MAP4: variants seen among roughly 807,000 people sequenced by gnomAD.
MAP4 encodes the protein microtubule associated protein 4, also known as microtubule-associated protein 4.
In MAP4, 76 loss-of-function variants were observed where a neutral mutation model predicts 170.2. That is an observed-to-expected ratio of 0.45 (90% CI 0.37 to 0.54). The LOEUF (loss-of-function observed/expected upper bound fraction) is 0.54, where lower values mean the gene tolerates loss of function less well. MAP4 is among the 20% of genes least tolerant of loss of function. The pLI is 0.00. For missense variants in MAP4, 2,506 were observed against 2,748.0 expected, an observed-to-expected ratio of 0.91 and a Z score of 1.97; for synonymous variants, 909 against 994.5, an observed-to-expected ratio of 0.91 and a Z score of 1.62.
rs556982891 is a variant in MAP4 at position 47,851,557 on chromosome 3, C to T, written c.*1377G>A. ...ATCTCCCAGGCCATTTCACTACAAA[C>T]TTATGTTTGAATCCTTTATTAGAAA... On this transcript the variant is annotated 3_prime_UTR_variant, in exon 21 of 21. Transcript: ENST00000683076. 6.6e-5 allele frequency: 10 copies of T among 152,352 alleles called. No homozygotes were observed. The highest frequency in any genetic ancestry group is 1.9e-4 in the African/African-American group (8 of 41,580). The allele number at this position is 152,352 out of a possible 1,614,324, so 9.4% of individuals were successfully genotyped here.
chr3:47,933,048 G>A (rs919604925), intron 3 of MAP4, among the ~76,000 whole-genome samples: 1 of 152,024 alleles, frequency 6.6e-6, no homozygotes, highest in Non-Finnish European at 1.5e-5. Flanking sequence ...GACTACAGGT[G>A]CATGCCACCA....
At chr3:48,006,636 T>A (rs767754388) in intron 1 of MAP4, among the ~76,000 whole-genome samples, 1 of 152,092 alleles carries the variant, frequency 6.6e-6, no homozygotes, top group Non-Finnish European at 1.5e-5. Flanking sequence ...TGCCTCTACC[T>A]AAAAAAATAG....
intron 1 of MAP4, among the ~76,000 whole-genome samples, chr3:48,002,975 A>AATT (rs1559772607): frequency 5.3e-5 from 8 of 150,346 alleles, no homozygotes; most frequent in African/African-American, 1.7e-4. Context: ...ATAAATAAAT[A>AATT]AATAAATAAA....
At chr3:47,985,401 T>C (rs1216403744) in intron 2 of MAP4, among the ~76,000 whole-genome samples, 1 of 152,218 alleles carries the variant, frequency 6.6e-6, no homozygotes, top group Non-Finnish European at 1.5e-5. Flanking sequence ...ATTGTGCCAC[T>C]GCACTCCAGC....
intron 3 of MAP4, among the ~76,000 whole-genome samples, chr3:47,956,280 A>T (rs2154138312): frequency 6.6e-6 from 1 of 152,324 alleles, no homozygotes; most frequent in East Asian, 1.9e-4. Context: ...CCTCAATCCA[A>T]GTCAATGGCC....
intron 1 of MAP4, among the ~76,000 whole-genome samples, chr3:48,004,710 C>T (rs1320729617): frequency 1.3e-5 from 2 of 152,142 alleles, no homozygotes; most frequent in Non-Finnish European, 2.9e-5. Flanking sequence ...AGAATGAGAC[C>T]CAGAAACTTG....
At chr3:48,060,260 G>A (rs1203624823) in intron 1 of MAP4, among the ~76,000 whole-genome samples, 1 of 152,048 alleles carries the variant, frequency 6.6e-6, no homozygotes. Context: ...ACTCATGCCT[G>A]TAAATGGTAC....
intron 1 of MAP4, among the ~76,000 whole-genome samples, chr3:48,009,225 C>T (rs1359693990): frequency 6.6e-6 from 1 of 152,114 alleles, no homozygotes; most frequent in Non-Finnish European, 1.5e-5. Context: ...CTCCGCCTCC[C>T]AAGTAGCTAG....
At chr3:47,941,823 T>C (rs956965124) in intron 3 of MAP4, among the ~76,000 whole-genome samples, 4 of 151,808 alleles carry the variant, frequency 2.6e-5, no homozygotes, top group Non-Finnish European at 5.9e-5. Context: ...GCTACCACTG[T>C]TCTTACTAAT....
chr3:47,868,339 G>T (rs924691424), intron 16 of MAP4, among the ~76,000 whole-genome samples: 6 of 152,168 alleles, frequency 3.9e-5, no homozygotes, highest in Non-Finnish European at 8.8e-5. Context: ...ATACCTCATT[G>T]TACCTACTCA....
At chr3:48,038,395 T>A (rs2100119917) in intron 1 of MAP4, among the ~76,000 whole-genome samples, 1 of 151,446 alleles carries the variant, frequency 6.6e-6, no homozygotes, top group Non-Finnish European at 1.5e-5. Context: ...CACATACACA[T>A]ATATAAATGA....
intron 3 of MAP4, among the ~76,000 whole-genome samples, chr3:47,942,453 A>G (rs2100057130): frequency 6.6e-6 from 1 of 152,100 alleles, no homozygotes; most frequent in Non-Finnish European, 1.5e-5. Context: ...ATTCACAGGC[A>G]TAATTATAGC....
rs1358537573 is a variant in MAP4, at chr3:47,921,847, C to T, written c.447G>A (p.Leu149=). 1.2e-6 allele frequency: 2 copies of T among 1,600,790 alleles called. No homozygotes were observed. The highest frequency in any genetic ancestry group is 2.2e-5 in the South Asian group (2 of 90,810). The change falls in exon 5 of 21, where the codon CTG becomes CTA. Residue 149 remains leucine (L), a synonymous_variant. Coordinates refer to ENST00000683076, the MANE Select transcript of MAP4 (RefSeq NM_001385682.1). ...DPFKMYHDDD[L]ADLVFPSSAT... is the part of the protein sequence containing the mutation. ...CACTGGAGGGAAAGACCAAATCTGC[C>T]AGGTCATCATCATGGTACATCTTAA...
At chr3:47,975,571 A>C in intron 3 of MAP4, 5 of 764,920 alleles carry the variant, frequency 6.5e-6, no homozygotes, top group Non-Finnish European at 9.3e-6. Context: ...CAAGATGCTC[A>C]TAAACCAAAG....
rs1276584768 is a variant in MAP4, at chr3:47,911,123, G to A, written c.3298C>T (p.Pro1100Ser). Residue 1100 changes from proline (P) to serine (S), a missense_variant, in exon 9 of 21, where the codon CCG becomes TCG. Physicochemically the swap from Pro to Ser is moderately conservative, Grantham distance 74 (BLOSUM62 -1). Transcript: ENST00000683076. This position sits in a 1 kb window ranked among gnomAD's most constrained non-coding sequence, Gnocchi z 4.0. ...SQKDGRAVLI[P>S]SEPVSKTEGM... ...TCAGTTTTAGAGACTGGCTCACTCG[G>A]TATGAGAACAGCCCTTCCGTCCTTC... 2 of 1,536,096 alleles carry A rather than the reference G, an allele frequency of 1.3e-6. No individual in the cohort carries two copies. The highest frequency in any genetic ancestry group is 1.7e-4 in the Middle Eastern group (1 of 5,990).
chr3:47,920,732 T>C (rs994705246), intron 5 of MAP4, among the ~76,000 whole-genome samples: 8 of 151,990 alleles, frequency 5.3e-5, no homozygotes, highest in Admixed American at 1.3e-4. Flanking sequence ...TTAAAATTTT[T>C]TGTAGGACAG....
chr3:47,912,885 A>C (rs2100036679), intron 8 of MAP4, among the ~76,000 whole-genome samples: 1 of 152,208 alleles, frequency 6.6e-6, no homozygotes, highest in Non-Finnish European at 1.5e-5. Context: ...AGACTAGGTC[A>C]CCAATATTAA....
intron 1 of MAP4, among the ~76,000 whole-genome samples, chr3:48,082,058 G>A (rs776096470): frequency 1.8e-4 from 27 of 152,238 alleles, no homozygotes; most frequent in Middle Eastern, 3.4e-3. Context: ...TACAGTACTG[G>A]ATTATAAGCA....
chr3:47,992,054 A>C (rs2100092682), intron 2 of MAP4, among the ~76,000 whole-genome samples: 1 of 152,212 alleles, frequency 6.6e-6, no homozygotes, highest in African/African-American at 2.4e-5. Flanking sequence ...TCAAACTTAA[A>C]GTTAGATGTA....
Sources: allele counts gnomAD v4.1 joint callset (sites outside exome capture counted in the v4.1 genomes callset), GRCh38; gene constraint gnomAD v4.1.1; non-coding constraint Gnocchi (gnomAD v3.1); transcripts MANE v1.5; gene names NCBI Gene and HGNC (gene_info 2026-07-23, HGNC 2026-07-21).